Variants in LNX1 observed in about 807,000 individuals in gnomAD.
LNX1 encodes ligand of numb-protein X 1.
LNX1 carries 54 observed loss-of-function variants against 68.4 expected under a neutral mutation model. That is an observed-to-expected ratio of 0.79 (90% CI 0.63 to 0.99). The LOEUF (loss-of-function observed/expected upper bound fraction) is 0.99, where lower values mean the gene tolerates loss of function less well. Ranked by LOEUF, LNX1 falls within the 50% of genes least tolerant of loss-of-function variation. LNX1 has a pLI of 0.00. For missense variants in LNX1, 906 were observed against 926.4 expected (o/e 0.98, Z 0.29); for synonymous variants, 336 against 350.0 (o/e 0.96, Z 0.45).
intron 1 of LNX1, among the ~76,000 whole-genome samples, chr4:53,631,969 G>A (rs1280712875): frequency 6.6e-6 from 1 of 152,166 alleles, no homozygotes; most frequent in Non-Finnish European, 1.5e-5. Flanking sequence ...AGAAAGGAGA[G>A]TGGAGAAAGA....
chr4:53,611,215 G>T (rs1318151678), intron 2 of LNX1, among the ~76,000 whole-genome samples: 1 of 151,270 alleles, frequency 6.6e-6, no homozygotes, highest in East Asian at 1.9e-4. Flanking sequence ...AATAAGAAAA[G>T]GAATGAAAAA....
At chr4:53,565,673 G>C (rs1730626272) in intron 2 of LNX1, among the ~76,000 whole-genome samples, 1 of 152,102 alleles carries the variant, frequency 6.6e-6, no homozygotes, top group Non-Finnish European at 1.5e-5. Context: ...GCTGAGAGAA[G>C]AAGGCTTCAG....
intron 2 of LNX1, among the ~76,000 whole-genome samples, chr4:53,566,794 A>G (rs1730724819): frequency 6.7e-6 from 1 of 149,738 alleles, no homozygotes; most frequent in Admixed American, 6.6e-5. Flanking sequence ...AAATAAAAGG[A>G]TGGAGGAAGA....
chr4:53,481,544 A>T (rs1192170619), intron 7 of LNX1, among the ~76,000 whole-genome samples, 176 bp downstream of exon 7: 2 of 152,190 alleles, frequency 1.3e-5, no homozygotes, highest in Non-Finnish European at 2.9e-5. Flanking sequence ...CTTGGATGGG[A>T]GACACCTGTT....
intron 9 of LNX1, among the ~76,000 whole-genome samples, chr4:53,472,487 T>TA (rs537634566): frequency 3.8e-4 from 56 of 148,674 alleles, no homozygotes; most frequent in East Asian, 5.9e-4. Flanking sequence ...TAAAGTATAA[T>TA]AAAAAAAAGA....
At chr4:53,550,445 C>T (rs143977596) in intron 2 of LNX1, among the ~76,000 whole-genome samples, 160 of 152,316 alleles carry the variant, frequency 1.1e-3, no homozygotes, top group African/African-American at 3.7e-3. Flanking sequence ...CAGGGATCAG[C>T]AACACTTTTT....
intron 1 of LNX1, among the ~76,000 whole-genome samples, chr4:53,586,565 A>G (rs1732183744): frequency 6.6e-6 from 1 of 152,222 alleles, no homozygotes; most frequent in Non-Finnish European, 1.5e-5. Context: ...CAAATTAGTG[A>G]TGTTACCAAA....
intron 9 of LNX1, 131 bp downstream of exon 9, chr4:53,476,622 A>G: frequency 1.3e-6 from 1 of 776,006 alleles, no homozygotes; most frequent in Non-Finnish European, 2.2e-6. Flanking sequence ...ATTATTTCAC[A>G]GTCCCACAAC....
At chr4:53,648,659 G>C (rs1428163134) in intron 1 of LNX1, among the ~76,000 whole-genome samples, 1 of 152,110 alleles carries the variant, frequency 6.6e-6, no homozygotes, top group African/African-American at 2.4e-5. Context: ...CTGGCTCTAA[G>C]GGAGGTGGAC....
chr4:53,472,786 G>A (rs1218857210), intron 9 of LNX1, among the ~76,000 whole-genome samples: 1 of 147,650 alleles, frequency 6.8e-6, no homozygotes, highest in Non-Finnish European at 1.5e-5. Flanking sequence ...CAGATATAGA[G>A]GCCAAGCAGG....
intron 6 of LNX1, among the ~76,000 whole-genome samples, chr4:53,484,121 C>T (rs2109427043): frequency 6.6e-6 from 1 of 152,298 alleles, no homozygotes; most frequent in Non-Finnish European, 1.5e-5. Context: ...CGGCTAGTGT[C>T]TTGATCTTTG....
At chr4:53,607,315 A>G (rs1733272754) in intron 2 of LNX1, among the ~76,000 whole-genome samples, 2 of 152,168 alleles carry the variant, frequency 1.3e-5, no homozygotes, top group African/African-American at 4.8e-5. Flanking sequence ...GTATACACCA[A>G]TGACATCCAA....
At chr4:53,538,823 A>T (rs1265651971) in intron 2 of LNX1, among the ~76,000 whole-genome samples, 1 of 152,246 alleles carries the variant, frequency 6.6e-6, no homozygotes, top group Non-Finnish European at 1.5e-5. Flanking sequence ...ACATGCTGGA[A>T]CAAGAGCCCT....
intron 1 of LNX1, among the ~76,000 whole-genome samples, chr4:53,625,832 G>T (rs1033365322): frequency 7.6e-6 from 1 of 130,852 alleles, no homozygotes; most frequent in African/African-American, 2.8e-5. Context: ...ATATGACCCA[G>T]CAATTCCACC....
chr4:53,606,649 A>G (rs533198964), intron 2 of LNX1, among the ~76,000 whole-genome samples: 1 of 152,292 alleles, frequency 6.6e-6, no homozygotes, highest in Non-Finnish European at 1.5e-5. Context: ...CAGACATACA[A>G]TAAAAAAAGA....
intron 9 of LNX1, among the ~76,000 whole-genome samples, chr4:53,472,175 A>G (rs970066951): frequency 3.9e-5 from 6 of 152,190 alleles, no homozygotes; most frequent in Non-Finnish European, 5.9e-5. Context: ...GGATGAGTTC[A>G]TGTCCTTTGT....
rs1477333393 is a variant in LNX1 at position 53,579,972 on chromosome 4, C to T, written c.-86-5884G>A. Among the ~76,000 whole-genome samples, 26 of 152,270 alleles carry T rather than the reference C, an allele frequency of 1.7e-4. No homozygotes were observed. In the East Asian group the frequency reaches 5.0e-3, roughly 29 times the overall value. ...GTTTTCTAGTAATAGGAGGAGGATT[C>T]CATATTATGAAAAAGAATCCTTCTT... On this transcript the variant is annotated intron_variant, in intron 1 of 10. Transcript: ENST00000263925.
chr4:53,602,616 T>A (rs1234437142), intron 2 of LNX1, among the ~76,000 whole-genome samples: 1 of 152,140 alleles, frequency 6.6e-6, no homozygotes, highest in African/African-American at 2.4e-5. Context: ...TGAATGGCCT[T>A]TACACGTGGT....
intron 1 of LNX1, among the ~76,000 whole-genome samples, chr4:53,624,490 A>T (rs544447607): frequency 6.6e-6 from 1 of 152,222 alleles, no homozygotes; most frequent in Non-Finnish European, 1.5e-5. Context: ...GCCACATGCA[A>T]CTGTGAGTCC....
Sources: allele counts gnomAD v4.1 joint callset (sites outside exome capture counted in the v4.1 genomes callset), GRCh38; gene constraint gnomAD v4.1.1; transcripts MANE v1.5; gene names NCBI Gene and HGNC (gene_info 2026-07-23, HGNC 2026-07-21).